The following EDRF1 variants were observed in gnomAD, a reference collection of about 807,000 sequenced individuals.
EDRF1 encodes erythroid differentiation-related factor 1.
Under a neutral mutation model 148.7 loss-of-function variants are expected in EDRF1, and 69 were observed. The observed-to-expected ratio is 0.46, with a 90% confidence interval of 0.38 to 0.57. EDRF1 has a LOEUF of 0.57. Ranked by LOEUF, EDRF1 falls within the 20% of genes least tolerant of loss-of-function variation. EDRF1 has a pLI of 0.00. For missense variants in EDRF1, 1,118 were observed against 1,478.7 expected, an observed-to-expected ratio of 0.76 and a Z score of 4.00; for synonymous variants, 515 against 532.8, an observed-to-expected ratio of 0.97 and a Z score of 0.46.
At chr10:125,720,007 G>A in intron 1 of EDRF1, 92 bp downstream of exon 1, 1 of 1,192,984 alleles carries the variant, frequency 8.4e-7, no homozygotes, top group Non-Finnish European at 1.2e-6. Context: ...GGCAGATTCT[G>A]GAGGCTTCTC....
rs1156450281 is a variant in EDRF1 at position 125,719,872 on chromosome 10, T to G, written c.65T>G (p.Leu22Arg). The G allele has an allele frequency of 1.9e-6, 3 of 1,612,996 alleles. No individual in the cohort carries two copies. Among genetic ancestry groups the G allele is most frequent in the Non-Finnish European group, 2.5e-6 (3 of 1,179,864 alleles). ...PPAGAAARGG[L>R]SLLSQGESEE... Reference sequence around the variant, plus strand: ...GCCGGGGCCGCCGCTCGAGGAGGGCTCAGCCTCCTGTCCCAGGGAGAATCC... The same window carrying G: ...GCCGGGGCCGCCGCTCGAGGAGGGCGCAGCCTCCTGTCCCAGGGAGAATCC... The change falls in exon 1 of 25, where the codon CTC becomes CGC. Residue 22 changes from leucine (L) to arginine (R), a missense_variant. Physicochemically the swap from Leu to Arg is moderately radical, Grantham distance 102. Coordinates refer to ENST00000356792, the MANE Select transcript of EDRF1 (RefSeq NM_001202438.2).
At chr10:125,748,834 C>T (rs902039053) in intron 21 of EDRF1, 8 of 171,198 alleles carry the variant, frequency 4.7e-5, no homozygotes, top group African/African-American at 1.4e-4. Flanking sequence ...ATCTAGTTGT[C>T]CCAGCACCAT....
intron 2 of EDRF1, 120 bp from the exon 3 acceptor site, chr10:125,722,948 G>C: frequency 1.1e-6 from 1 of 892,474 alleles, no homozygotes; most frequent in East Asian, 2.4e-5. Context: ...TGGTTTCAGA[G>C]TTGTTAAAAT....
At chr10:125,753,560 G>A (rs1849747270) in intron 23 of EDRF1, 134 bp from the exon 24 acceptor site, 3 of 940,114 alleles carry the variant, frequency 3.2e-6, no homozygotes, top group Non-Finnish European at 5.1e-6. Context: ...GATCATAGGT[G>A]TGCTTTTTGT....
intron 18 of EDRF1, 123 bp downstream of exon 18, chr10:125,743,399 G>C (rs1849133912): frequency 1.3e-6 from 1 of 753,852 alleles, no homozygotes; most frequent in Admixed American, 2.2e-5. Flanking sequence ...CTCTATTAGA[G>C]AACCTCTTAT....
intron 23 of EDRF1, 104 bp downstream of exon 23, chr10:125,753,018 C>A (rs1474908036): frequency 5.1e-5 from 40 of 789,922 alleles, no homozygotes; most frequent in Non-Finnish European, 8.2e-5. Flanking sequence ...TATATACACA[C>A]ATGTACATAT....
chr10:125,732,684 A>G (rs1589831639), intron 9 of EDRF1, among the ~76,000 whole-genome samples: 1 of 152,360 alleles, frequency 6.6e-6, no homozygotes, highest in Admixed American at 6.5e-5. Flanking sequence ...AAGTGGGGTG[A>G]AAATCAACCT....
chr10:125,724,019 A>G (rs1218374500), intron 4 of EDRF1, 83 bp downstream of exon 4: 2 of 1,525,424 alleles, frequency 1.3e-6, no homozygotes, highest in Non-Finnish European at 1.8e-6. Flanking sequence ...AGAATGGCCA[A>G]AGTGGAAATG....
chr10:125,755,300 G>A (rs1055231151), intron 24 of EDRF1, among the ~76,000 whole-genome samples: 4 of 152,192 alleles, frequency 2.6e-5, no homozygotes, highest in African/African-American at 9.7e-5. Flanking sequence ...AGTGGATTAC[G>A]TTGATTCTTC....
chr10:125,719,990 G>C, intron 1 of EDRF1, 75 bp downstream of exon 1: 1 of 1,382,314 alleles, frequency 7.2e-7, no homozygotes. Flanking sequence ...GGGATGCCAC[G>C]GTTCCCGGCA....
chr10:125,740,375 T>C (rs1848954424), intron 15 of EDRF1, 88 bp from the exon 16 acceptor site: 2 of 1,348,192 alleles, frequency 1.5e-6, no homozygotes, highest in Non-Finnish European at 2.1e-6. Flanking sequence ...TCTAGAGTGT[T>C]TCCATCAAGA....
Position 125,721,344 on chromosome 10 carries a change from G to C in EDRF1, c.249G>C (p.Glu83Asp), listed in dbSNP as rs1251217881. Reference protein sequence around the residue: ...LKLPPANWLRESAKLGPAGTT... With the variant: ...LKLPPANWLRDSAKLGPAGTT... ...TCCCACCTGCCAACTGGTTACGAGA[G>C]AGTGCCAAACTAGGGCCAGCAGGAA... is the stretch of plus-strand genomic sequence containing the variant. Residue 83 changes from glutamate (E) to aspartate (D), a missense_variant, in exon 2 of 25, where the codon GAG becomes GAC. Glu to Asp is a conservative substitution (Grantham distance 45). Coordinates refer to ENST00000356792, the MANE Select transcript of EDRF1 (RefSeq NM_001202438.2). The C allele has an allele frequency of 1.9e-6, 3 of 1,614,202 alleles. No individual in the cohort carries two copies. Among genetic ancestry groups the C allele is most frequent in the South Asian group, 1.1e-5 (1 of 91,086 alleles).
At position 125,747,610 on chromosome 10, in the gene EDRF1, G is replaced by C. The variant is rs199963542; in HGVS notation, c.2889G>C (p.Val963=). Residue 963 remains valine, a synonymous_variant, in exon 20 of 25, where the codon GTG becomes GTC. Transcript: ENST00000356792. ...RDIHPAVWDS[V]NWELSTTYFT... ...TACACCCAGCTGTTTGGGATTCAGT[G>C]AACTGGGAATTGTCCACTACTTACT... 5.6e-6 allele frequency: 9 copies of C among 1,614,032 alleles called. No homozygotes were observed. The Admixed American group carries it at 1.5e-4, about 27-fold the overall frequency.
intron 6 of EDRF1, among the ~76,000 whole-genome samples, chr10:125,728,653 GGC>G (rs1372140244): frequency 6.6e-6 from 1 of 152,038 alleles, no homozygotes; most frequent in Non-Finnish European, 1.5e-5. Context: ...CATCGTGCCT[GGC>G]CAGTTTCTTA....
intron 21 of EDRF1, 65 bp downstream of exon 21, chr10:125,748,077 T>C (rs6650150): frequency 1.3e-6 from 2 of 1,575,938 alleles, no homozygotes; most frequent in Non-Finnish European, 1.7e-6. Context: ...TGCTTTTTGT[T>C]TTTTTAACAT....
Position 125,743,099 on chromosome 10 carries a change from C to G in EDRF1, c.2413C>G (p.Gln805Glu), listed in dbSNP as rs1395580628. The change falls in exon 18 of 25, where the codon CAA becomes GAA. Residue 805 changes from glutamine to glutamate, a missense_variant. By Grantham distance (29) the Gln-to-Glu change is conservative. Transcript: ENST00000356792. The stretch of plus-strand genomic sequence containing the variant: ...TGATTTGTCTACAGACTTAGAAAGT[C>G]AACTCTCTGTTAGTTGTAAATGTTA... Reference protein sequence around the residue: ...ATDLSTDLESQLSVSCKCYEA... With the variant: ...ATDLSTDLESELSVSCKCYEA... 6.2e-7 allele frequency: 1 copy of G among 1,613,892 alleles called. No individual in the cohort carries two copies. Among genetic ancestry groups the G allele is most frequent in the Admixed American group, 1.7e-5 (1 of 60,018 alleles).
Position 125,763,425 on chromosome 10 carries a change from G to T in EDRF1, c.3670G>T (p.Gly1224Cys). The T allele has an allele frequency of 1.2e-6, 2 of 1,611,052 alleles. No homozygotes were observed. The highest frequency in any genetic ancestry group is 8.5e-7 in the Non-Finnish European group (1 of 1,180,022). ...ERINVIVHLL[G>C]QLAAGSAASS... is the part of the protein sequence containing the mutation. Reference sequence around the variant, plus strand: ...AATCAACGTTATCGTCCACCTGCTGGGCCAGCTTGCCGCCGGCAGTGCAGC... The same window carrying T: ...AATCAACGTTATCGTCCACCTGCTGTGCCAGCTTGCCGCCGGCAGTGCAGC... Residue 1224 changes from glycine (G) to cysteine (C), a missense_variant, in exon 25 of 25, where the codon GGC (glycine) becomes TGC (cysteine). This residue lies in a region of EDRF1 where 954 missense variants were observed against 1,241.4 expected (regional missense o/e 0.77). Transcript: ENST00000356792. The surrounding 1 kb of genome is among the most constrained non-coding windows in gnomAD (Gnocchi z 4.3).
intron 4 of EDRF1, among the ~76,000 whole-genome samples, chr10:125,724,162 A>T (rs1458729468): frequency 6.6e-6 from 1 of 152,224 alleles, no homozygotes; most frequent in Non-Finnish European, 1.5e-5. Flanking sequence ...ATTCTTTTTT[A>T]CAAGAAAAAA....
chr10:125,747,778 C>T, intron 20 of EDRF1, 84 bp downstream of exon 20: 2 of 1,609,754 alleles, frequency 1.2e-6, no homozygotes, highest in Non-Finnish European at 1.7e-6. Flanking sequence ...TGTCTTTTCC[C>T]TAATAAGCAG....
Sources: gnomAD v4.1 joint callset for allele counts (sites outside exome capture counted in the v4.1 genomes callset) on GRCh38, gnomAD v4.1.1 for gene constraint, gnomAD v4.1.1 regional missense constraint, Gnocchi (gnomAD v3.1) non-coding constraint, MANE v1.5 for transcripts, NCBI Gene and HGNC (gene_info 2026-07-23, HGNC 2026-07-21) for gene names.